DHRS4: variants seen among roughly 807,000 people sequenced by gnomAD.
The protein encoded by DHRS4 is dehydrogenase/reductase SDR family member 4.
Under a neutral mutation model 28.4 loss-of-function variants are expected in DHRS4, and 20 were observed. The observed-to-expected ratio is 0.71, with a 90% CI of 0.50 to 1.02. The LOEUF (loss-of-function observed/expected upper bound fraction) is 1.02. Ranked by LOEUF, DHRS4 falls within the 50% of genes least tolerant of loss-of-function variation. The pLI is 0.00. For synonymous variants in DHRS4, 144 were observed against 146.4 expected (o/e 0.98, Z 0.12); for missense variants, 378 against 367.2 (o/e 1.03, Z -0.24).
chr14:23,955,283 T>C (rs1385428544), intron 2 of DHRS4, 71 bp downstream of exon 2: 16 of 1,512,326 alleles, frequency 1.1e-5, no homozygotes, highest in Non-Finnish European at 1.3e-5. Context: ...CCTTCCCTGC[T>C]TTCCTAGACA....
chr14:23,953,811 G>T lies in DHRS4; in HGVS notation c.23G>T (p.Gly8Val). The T allele has an allele frequency of 6.2e-7, 1 of 1,614,126 alleles. No homozygotes were observed. The highest frequency in any genetic ancestry group is 8.5e-7 in the Non-Finnish European group (1 of 1,179,998). The change falls in exon 1 of 8, where the codon GGC becomes GTC. Residue 8 changes from glycine (G) to valine (V), a missense_variant. Coordinates refer to ENST00000313250, the MANE Select transcript of DHRS4 (RefSeq NM_021004.4). ...TCCATGCACAAGGCGGGGCTGCTAG[G>T]CCTCTGTGCCCGGGCTTGGAATTCG... MHKAGLL[G>V]LCARAWNSVR... is the part of the protein sequence containing the mutation.
At chr14:23,957,335 G>C (rs1328283124) in intron 2 of DHRS4, among the ~76,000 whole-genome samples, 1 of 151,376 alleles carries the variant, frequency 6.6e-6, no homozygotes, top group African/African-American at 2.4e-5. Context: ...ACCCTGCAAT[G>C]AGAAAAGCCA....
At chr14:23,963,594 G>A (rs1385136138) in intron 3 of DHRS4, among the ~76,000 whole-genome samples, 3 of 148,442 alleles carry the variant, frequency 2.0e-5, no homozygotes, top group East Asian at 2.0e-4. Context: ...GGAATGTTGT[G>A]GCTAGTTTGA....
intron 3 of DHRS4, among the ~76,000 whole-genome samples, chr14:23,964,185 G>A (rs1291412384): frequency 7.5e-5 from 7 of 93,236 alleles, no homozygotes; most frequent in South Asian, 4.0e-4. Flanking sequence ...AAAATGGCTC[G>A]AATTAATGCA....
At chr14:23,960,224 T>C (rs988655714) in intron 3 of DHRS4, among the ~76,000 whole-genome samples, 1 of 152,060 alleles carries the variant, frequency 6.6e-6, no homozygotes, top group Non-Finnish European at 1.5e-5. Context: ...TCTCTGCTTC[T>C]ATCTGCTCTT....
Position 23,959,924 on chromosome 14 carries a change from T to C in DHRS4, c.329T>C (p.Ile110Thr). The C allele has an allele frequency of 6.2e-7, 1 of 1,612,822 alleles. No individual in the cohort carries two copies. The highest frequency in any genetic ancestry group is 8.5e-7 in the Non-Finnish European group (1 of 1,179,958). Residue 110 changes from isoleucine (I) to threonine (T), a missense_variant, in exon 3 of 8, where the codon ATC (isoleucine) becomes ACC (threonine). Transcript: ENST00000313250. ...TAGGCTGTGAAGCTTCATGGAGGTATCGATATCCTAGTCTCCAATGCTGCT... is the reference window on the plus strand; with the variant it reads ...TAGGCTGTGAAGCTTCATGGAGGTACCGATATCCTAGTCTCCAATGCTGCT... Reference protein sequence around the residue: ...VATAVKLHGGIDILVSNAAVN... With the variant: ...VATAVKLHGGTDILVSNAAVN...
At chr14:23,965,697 C>T (rs2033587355) in intron 3 of DHRS4, 65 bp from the exon 4 acceptor site, 4 of 1,376,220 alleles carry the variant, frequency 2.9e-6, no homozygotes, top group Non-Finnish European at 4.0e-6. Context: ...TCTAACTCCT[C>T]ATTTTTTCAT....
chr14:23,966,180 C>T, intron 5 of DHRS4, 103 bp from the exon 6 acceptor site: 1 of 1,575,092 alleles, frequency 6.3e-7, no homozygotes, highest in Non-Finnish European at 8.6e-7. Flanking sequence ...CTCTGCCCCT[C>T]CCTTACAGGA....
At chr14:23,962,806 C>A (rs560292162) in intron 3 of DHRS4, among the ~76,000 whole-genome samples, 11 of 150,284 alleles carry the variant, frequency 7.3e-5, no homozygotes, top group Non-Finnish European at 1.6e-4. Flanking sequence ...CGAGATCCAT[C>A]AGAGGAATCA....
chr14:23,957,091 G>A (rs2033207406), intron 2 of DHRS4, among the ~76,000 whole-genome samples: 1 of 152,156 alleles, frequency 6.6e-6, no homozygotes, highest in Admixed American at 6.5e-5. Context: ...CAGGGCATCA[G>A]TGAGGAAGCT....
At chr14:23,965,329 G>A (rs1290753859) in intron 3 of DHRS4, among the ~76,000 whole-genome samples, 1 of 114,672 alleles carries the variant, frequency 8.7e-6, no homozygotes, top group Non-Finnish European at 1.7e-5. Flanking sequence ...AGAAGTGCTA[G>A]AACAACCCCA....
rs1310251823 is a variant in DHRS4 at position 23,965,771 on chromosome 14, ATT to A, written c.419_420del (p.Ile140LysfsTer46). The A allele has an allele frequency of 6.2e-7, 1 of 1,602,996 alleles. No individual in the cohort carries two copies. The highest frequency in any genetic ancestry group is 1.7e-5 in the Admixed American group (1 of 59,490). On this transcript the variant is annotated frameshift_variant, in exon 4 of 8. Coordinates refer to ENST00000313250, the MANE Select transcript of DHRS4 (RefSeq NM_021004.4). LOFTEE classifies it high-confidence loss of function. ...TEEVWDKTLD[I>X]NVKAPALMTK... ...CTTCTCTTGGCTTCAGACTCTGGAC[ATT>A]AATGTGAAGGCCCCAGCCCTGATGA...
At chr14:23,963,787 T>G (rs952828176) in intron 3 of DHRS4, among the ~76,000 whole-genome samples, 4 of 149,048 alleles carry the variant, frequency 2.7e-5, no homozygotes, top group Non-Finnish European at 5.9e-5. Context: ...GCTTTCAACA[T>G]GCCTTCCTCA....
intron 2 of DHRS4, among the ~76,000 whole-genome samples, chr14:23,958,129 G>A (rs574733312): frequency 6.6e-6 from 1 of 152,018 alleles, no homozygotes; most frequent in East Asian, 2.0e-4. Flanking sequence ...CTTTGTGCCA[G>A]GATACCAAAA....
intron 2 of DHRS4, among the ~76,000 whole-genome samples, chr14:23,956,973 C>T (rs1250668115): frequency 9.2e-5 from 14 of 152,034 alleles, no homozygotes; most frequent in South Asian, 8.3e-4. Flanking sequence ...GTTTACACAC[C>T]CTTGTAGCAA....
At chr14:23,954,060 G>C in intron 1 of DHRS4, 144 bp downstream of exon 1, 1 of 1,334,214 alleles carries the variant, frequency 7.5e-7, no homozygotes, top group Non-Finnish European at 1.0e-6. Context: ...CACGTGGTCC[G>C]CCTGAAGCCA....
chr14:23,954,049 C>A (rs1289438484), intron 1 of DHRS4, 133 bp downstream of exon 1: 17 of 1,407,772 alleles, frequency 1.2e-5, no homozygotes, highest in African/African-American at 1.2e-4. Flanking sequence ...AAAAAGGTAG[C>A]CACGTGGTCC....
chr14:23,964,896 T>C (rs1428080905), intron 3 of DHRS4, among the ~76,000 whole-genome samples: 1 of 151,306 alleles, frequency 6.6e-6, no homozygotes, highest in Non-Finnish European at 1.5e-5. Context: ...TTTTTTTTTT[T>C]TAATTTACAT....
At chr14:23,964,776 A>T (rs1320890666) in intron 3 of DHRS4, among the ~76,000 whole-genome samples, 3 of 144,316 alleles carry the variant, frequency 2.1e-5, no homozygotes, top group African/African-American at 7.6e-5. Context: ...GAGGTTTGCC[A>T]TGTTGCCCAG....
Sources: gnomAD v4.1 joint callset for allele counts (sites outside exome capture counted in the v4.1 genomes callset) on GRCh38, gnomAD v4.1.1 for gene constraint, MANE v1.5 for transcripts, NCBI Gene and HGNC (gene_info 2026-07-23, HGNC 2026-07-21) for gene names.